Variants in MYOCD observed in about 807,000 individuals in gnomAD.
MYOCD encodes the protein myocardin.
MYOCD carries 32 observed loss-of-function variants against 96.1 expected under a neutral mutation model. The ratio of observed to expected loss-of-function variants is 0.33; its 90% CI spans 0.25 to 0.45. The LOEUF (loss-of-function observed/expected upper bound fraction) is 0.45, where lower values mean the gene tolerates loss of function less well. Ranked by LOEUF, MYOCD falls within the 20% of genes least tolerant of loss-of-function variation. MYOCD has a pLI of 1.00. For missense variants in MYOCD, 1,133 were observed against 1,200.6 expected (o/e 0.94, Z 0.83); for synonymous variants, 469 against 469.0 (o/e 1.00, Z 0.00).
intron 5 of MYOCD, among the ~76,000 whole-genome samples, chr17:12,733,433 T>A (rs2032239348): frequency 6.6e-6 from 1 of 152,166 alleles, no homozygotes; most frequent in African/African-American, 2.4e-5. Context: ...TGGCTTCACC[T>A]GCTGACTTCC....
At position 12,733,464 on chromosome 17, in the gene MYOCD, C is replaced by T. The variant is rs532236840; in HGVS notation, c.416-2697C>T. ...CTTCCAGGAAAGATGACTAATTCTGCCACCCCCTCTACCAGGTGAGTCTGA... is the reference window on the plus strand; with the variant it reads ...CTTCCAGGAAAGATGACTAATTCTGTCACCCCCTCTACCAGGTGAGTCTGA... On this transcript the variant is annotated intron_variant, in intron 5 of 13. Transcript: ENST00000425538. 2.0e-5 allele frequency among the ~76,000 whole-genome samples: 3 copies of T among 152,296 alleles called. No homozygotes were observed. The East Asian group carries it at 5.8e-4, about 29-fold the overall frequency.
In MYOCD at chr17:12,696,229, C is replaced by T. The variant is rs1200762245; in HGVS notation, c.56-8899C>T. On this transcript the variant is annotated intron_variant, in intron 1 of 13. Transcript: ENST00000425538. ...TCTTGACCTCGTGGTCCGCCCGCCT[C>T]GACCTCCCAAAGTGCTGGGATTACA... Among the ~76,000 whole-genome samples the T allele has an allele frequency of 5.3e-5, 8 of 152,178 alleles. No homozygotes were observed. The East Asian group carries it at 5.8e-4, about 11-fold the overall frequency.
intron 1 of MYOCD, among the ~76,000 whole-genome samples, chr17:12,694,307 G>A (rs936657725): frequency 2.0e-5 from 3 of 152,152 alleles, no homozygotes; most frequent in Admixed American, 6.5e-5. Context: ...TGTGCCCAGA[G>A]AGCAAGGTAG....
chr17:12,754,494 G>A (rs1461398095), intron 10 of MYOCD, among the ~76,000 whole-genome samples: 1 of 152,216 alleles, frequency 6.6e-6, no homozygotes, highest in Non-Finnish European at 1.5e-5. Context: ...TGGGGTGAAG[G>A]CATTGAAGGC....
At chr17:12,761,477 A>G (rs1020713587) in intron 13 of MYOCD, 2 of 152,218 alleles carry the variant, frequency 1.3e-5, no homozygotes, top group Admixed American at 1.3e-4. Context: ...AAGCAAGTGA[A>G]CAGACCTTTC....
chr17:12,726,687 T>G (rs1373548291), intron 5 of MYOCD, among the ~76,000 whole-genome samples: 1 of 151,730 alleles, frequency 6.6e-6, no homozygotes, highest in African/African-American at 2.4e-5. Context: ...CTATGTTGTT[T>G]TTTATTTTTC....
At chr17:12,753,386 C>T (rs779568291) in intron 10 of MYOCD, 40 bp downstream of exon 10, 11 of 1,495,562 alleles carry the variant, frequency 7.4e-6, no homozygotes, top group Admixed American at 2.3e-5. Flanking sequence ...ACACTTCTTT[C>T]TGGAAGTGGG....
intron 1 of MYOCD, among the ~76,000 whole-genome samples, chr17:12,691,588 C>A (rs2030450625): frequency 6.6e-6 from 1 of 152,136 alleles, no homozygotes; most frequent in African/African-American, 2.4e-5. Flanking sequence ...TACTAGGGGG[C>A]AGGTAGCATG....
chr17:12,756,426 C>T lies in MYOCD; in HGVS notation c.2071C>T (p.His691Tyr). The change falls in exon 11 of 14, where the codon CAC becomes TAC. Residue 691 changes from histidine (H) to tyrosine (Y), a missense_variant. Coordinates refer to ENST00000425538, the MANE Select transcript of MYOCD (RefSeq NM_001146312.3). ...QVCTAQNSGAHDGHPPSFSPH... is the reference protein window; with the variant it reads ...QVCTAQNSGAYDGHPPSFSPH... ...TCTTCCTTTGCAGAACTCAGGAGCACACGATGGCCATCCTCCAAGCTTCTC... is the reference window on the plus strand; with the variant it reads ...TCTTCCTTTGCAGAACTCAGGAGCATACGATGGCCATCCTCCAAGCTTCTC... The T allele has an allele frequency of 6.4e-7, 1 of 1,552,188 alleles. No homozygotes were observed. Among genetic ancestry groups the T allele is most frequent in the Non-Finnish European group, 8.7e-7 (1 of 1,147,132 alleles).
chr17:12,683,862 G>A (rs548922026), intron 1 of MYOCD, among the ~76,000 whole-genome samples: 11 of 152,254 alleles, frequency 7.2e-5, no homozygotes, highest in Middle Eastern at 6.8e-3. Context: ...GTGTTTGGAC[G>A]TACAGTAGGT....
chr17:12,749,237 C>T (rs1355662733), intron 9 of MYOCD, among the ~76,000 whole-genome samples: 3 of 152,086 alleles, frequency 2.0e-5, no homozygotes, highest in African/African-American at 7.2e-5. Flanking sequence ...CTATTCAAAA[C>T]GTGATTTCAG....
intron 11 of MYOCD, among the ~76,000 whole-genome samples, chr17:12,757,197 G>A (rs2033037094): frequency 6.6e-6 from 1 of 152,114 alleles, no homozygotes; most frequent in Non-Finnish European, 1.5e-5. Flanking sequence ...TCAGCTGGTG[G>A]AAGAAGTCAG....
intron 1 of MYOCD, among the ~76,000 whole-genome samples, chr17:12,699,908 C>CTTT (rs35667292): frequency 6.9e-5 from 7 of 101,528 alleles, no homozygotes; most frequent in Non-Finnish European, 9.1e-5. Flanking sequence ...TTTTTTTTAC[C>CTTT]TTTTTTTTTT....
intron 1 of MYOCD, among the ~76,000 whole-genome samples, chr17:12,691,417 C>A (rs966566387): frequency 6.6e-6 from 1 of 152,140 alleles, no homozygotes; most frequent in Non-Finnish European, 1.5e-5. Context: ...CATTCAGGAG[C>A]CTCATTCTAA....
intron 1 of MYOCD, among the ~76,000 whole-genome samples, chr17:12,704,392 T>C (rs1358964541): frequency 6.6e-6 from 1 of 152,178 alleles, no homozygotes; most frequent in East Asian, 1.9e-4. Flanking sequence ...ATTACATGTA[T>C]ATGATATGTA....
chr17:12,758,292 G>A (rs112296513), intron 12 of MYOCD, 79 bp downstream of exon 12: 165 of 1,593,380 alleles, frequency 1.0e-4, no homozygotes, highest in Middle Eastern at 6.8e-4. Flanking sequence ...TAAACTTCAC[G>A]CAGTTTGTAA....
In MYOCD at chr17:12,760,689, G is replaced by T; in HGVS notation, c.2371G>T (p.Val791Leu). The T allele has an allele frequency of 6.2e-7, 1 of 1,613,874 alleles. No individual in the cohort carries two copies. Among genetic ancestry groups the T allele is most frequent in the African/African-American group, 1.3e-5 (1 of 74,988 alleles). Residue 791 changes from valine to leucine, a missense_variant, in exon 13 of 14, where the codon GTG becomes TTG. Transcript: ENST00000425538. ...RSQQMDELLD[V>L]LIESGEMPAD... ...TCAGCAGATGGATGAACTCCTGGAC[G>T]TGCTTATTGAAAGCGGAGGTAAGAC...
At chr17:12,753,426 T>C (rs2032920994) in intron 10 of MYOCD, 80 bp downstream of exon 10, 1 of 1,294,040 alleles carries the variant, frequency 7.7e-7, no homozygotes, top group South Asian at 1.5e-5. Context: ...AAAGAGCTAA[T>C]GTCAGAATTT....
chr17:12,763,481 C>G lies in MYOCD; in HGVS notation c.2798C>G (p.Ser933Cys), dbSNP rs367931249. ...GGGCTGCAGTTAAGCTTCACTGAATCTCCCTGGGAAACCATGGAGTGGCTG... is the reference window on the plus strand; with the variant it reads ...GGGCTGCAGTTAAGCTTCACTGAATGTCCCTGGGAAACCATGGAGTGGCTG... ...SNGLQLSFTESPWETMEWLDL... is the reference protein window; with the variant it reads ...SNGLQLSFTECPWETMEWLDL... The change falls in exon 14 of 14, where the codon TCT becomes TGT. Residue 933 changes from serine (S) to cysteine (C), a missense_variant. Physicochemically the swap from Ser to Cys is moderately radical, Grantham distance 112. Coordinates refer to ENST00000425538, the MANE Select transcript of MYOCD (RefSeq NM_001146312.3). 9.3e-6 allele frequency: 15 copies of G among 1,614,088 alleles called. No homozygotes were observed. The highest frequency in any genetic ancestry group is 2.2e-5 in the South Asian group (2 of 91,086).
Sources: allele counts gnomAD v4.1 joint callset (sites outside exome capture counted in the v4.1 genomes callset), GRCh38; gene constraint gnomAD v4.1.1; transcripts MANE v1.5; gene names NCBI Gene and HGNC (gene_info 2026-07-23, HGNC 2026-07-21).